Variants in CDK14 observed in about 807,000 individuals in gnomAD.
The protein encoded by CDK14 is cyclin-dependent kinase 14.
A neutral mutation model predicts 60.7 loss-of-function variants in CDK14; 34 were observed. The observed-to-expected ratio is 0.56, with a 90% CI of 0.43 to 0.75. The LOEUF is 0.75. CDK14 is among the 30% of genes least tolerant of loss of function. The pLI is 0.00. For synonymous variants in CDK14, 197 were observed against 203.7 expected (o/e 0.97, Z 0.28); for missense variants, 482 against 564.1 (o/e 0.85, Z 1.47).
intron 14 of CDK14, among the ~76,000 whole-genome samples, chr7:91,185,791 T>G (rs1802159592): frequency 6.6e-6 from 1 of 151,146 alleles, no homozygotes; most frequent in African/African-American, 2.4e-5. Flanking sequence ...AGTTCGGGGG[T>G]TTTTAGTGTA....
intron 14 of CDK14, among the ~76,000 whole-genome samples, chr7:91,156,378 G>T (rs952347389): frequency 2.6e-5 from 4 of 152,032 alleles, no homozygotes; most frequent in Non-Finnish European, 5.9e-5. Flanking sequence ...CTTCTTGGTT[G>T]CCCAGCACAG....
At position 90,747,417 on chromosome 7, in the gene CDK14, C is replaced by T. The variant is rs180886957; in HGVS notation, c.370-264C>T. Among the ~76,000 whole-genome samples the T allele has an allele frequency of 1.2e-3, 190 of 152,282 alleles. 1 individual carries two copies. The highest frequency in any genetic ancestry group is 4.2e-3 in the African/African-American group (175 of 41,570). On this transcript the variant is annotated intron_variant, in intron 3 of 14. Coordinates refer to ENST00000380050, the MANE Select transcript of CDK14 (RefSeq NM_001287135.2). ...AAAGCAATCATCAGCTTACAGATAGCACTGGAAGAACAGCTATCAAAATAT... is the reference window on the plus strand; with the variant it reads ...AAAGCAATCATCAGCTTACAGATAGTACTGGAAGAACAGCTATCAAAATAT...
intron 5 of CDK14, among the ~76,000 whole-genome samples, chr7:90,844,073 G>A (rs1790385068): frequency 1.3e-5 from 2 of 152,084 alleles, no homozygotes; most frequent in Admixed American, 1.3e-4. Context: ...GAGTGTCCTT[G>A]GTAACAGGCA....
Position 90,831,797 on chromosome 7 carries a change from C to G in CDK14, c.545-31378C>G, listed in dbSNP as rs10243980. 2.9e-3 allele frequency among the ~76,000 whole-genome samples: 442 copies of G among 152,176 alleles called. 3 individuals are homozygous for G. Among genetic ancestry groups the G allele is most frequent in the African/African-American group, 0.01 (421 of 41,528 alleles). On this transcript the variant is annotated intron_variant, in intron 5 of 14. Coordinates refer to ENST00000380050, the MANE Select transcript of CDK14 (RefSeq NM_001287135.2). The stretch of plus-strand genomic sequence containing the variant: ...CTCCAGTAGCATTAGTCATAATAGA[C>G]TAATAGCCAAATTCTTTACCTGTAT...
intron 14 of CDK14, among the ~76,000 whole-genome samples, chr7:91,128,369 T>C (rs903600425): frequency 3.3e-5 from 5 of 152,194 alleles, no homozygotes; most frequent in African/African-American, 1.2e-4. Flanking sequence ...ACTGCATTAG[T>C]TCTGTCAAAT....
chr7:90,638,528 G>A (rs1259952465), intron 2 of CDK14, among the ~76,000 whole-genome samples: 5 of 152,100 alleles, frequency 3.3e-5, no homozygotes, highest in Non-Finnish European at 5.9e-5. Context: ...TTCCCTTTGT[G>A]GGTAACCTGA....
intron 8 of CDK14, among the ~76,000 whole-genome samples, chr7:90,931,172 G>A (rs1793580930): frequency 6.6e-6 from 1 of 152,094 alleles, no homozygotes; most frequent in Admixed American, 6.5e-5. Flanking sequence ...TGGAATTAGT[G>A]CTATTAAAAT....
In CDK14 at chr7:90,683,010, G is replaced by A. The variant is rs527939510; in HGVS notation, c.124-43557G>A. The stretch of plus-strand genomic sequence containing the variant: ...TGATCATCTAGTCAAGGTGTTAGTC[G>A]ATTTCTTTATGCTATTTTTTCCCCT... On this transcript the variant is annotated intron_variant, in intron 2 of 14. Coordinates refer to ENST00000380050, the MANE Select transcript of CDK14 (RefSeq NM_001287135.2). Among the ~76,000 whole-genome samples the A allele has an allele frequency of 2.6e-5, 4 of 152,146 alleles. No individual in the cohort carries two copies. The East Asian group carries it at 5.8e-4, about 22-fold the overall frequency.
chr7:90,611,389 C>G (rs1799535112), intron 2 of CDK14, among the ~76,000 whole-genome samples: 1 of 152,208 alleles, frequency 6.6e-6, no homozygotes, highest in Non-Finnish European at 1.5e-5. Flanking sequence ...TCACAGTCAC[C>G]TTGATTTCAG....
chr7:91,167,520 C>G (rs1801382215), intron 14 of CDK14, among the ~76,000 whole-genome samples: 1 of 152,168 alleles, frequency 6.6e-6, no homozygotes, highest in South Asian at 2.1e-4. Flanking sequence ...GCTGATTGTT[C>G]TTATATAATG....
chr7:91,061,335 G>C (rs116981799), intron 11 of CDK14, among the ~76,000 whole-genome samples: 1 of 152,124 alleles, frequency 6.6e-6, no homozygotes. Flanking sequence ...CTTGTTTGCC[G>C]TGGGTTCGAA....
At chr7:91,053,375 A>G (rs1311164226) in intron 11 of CDK14, among the ~76,000 whole-genome samples, 1 of 152,084 alleles carries the variant, frequency 6.6e-6, no homozygotes, top group Non-Finnish European at 1.5e-5. Context: ...ACTCTAAGCC[A>G]TTCTCAGTGA....
intron 2 of CDK14, among the ~76,000 whole-genome samples, chr7:90,680,370 C>T (rs1801289464): frequency 6.6e-6 from 1 of 152,118 alleles, no homozygotes; most frequent in Non-Finnish European, 1.5e-5. Context: ...TATATTGGGT[C>T]TTCAAATATT....
chr7:90,614,028 T>G (rs1287168591), intron 2 of CDK14, among the ~76,000 whole-genome samples: 1 of 137,336 alleles, frequency 7.3e-6, no homozygotes, highest in Non-Finnish European at 1.5e-5. Context: ...TTTTTTGAGA[T>G]GGAGTTTCGC....
chr7:91,081,881 T>G (rs17163567), intron 12 of CDK14, among the ~76,000 whole-genome samples: 3,539 of 152,180 alleles, frequency 0.023, 130 homozygotes, highest in African/African-American at 0.078. Context: ...ATTATGCGAT[T>G]GAGAATAATA....
At chr7:90,622,923 C>CTTTTTTTTTTTT (rs1245736325) in intron 2 of CDK14, among the ~76,000 whole-genome samples, 3 of 130,310 alleles carry the variant, frequency 2.3e-5, no homozygotes, top group East Asian at 2.2e-4. Context: ...CTTTTTTTTT[C>CTTTTTTTTTTTT]TTTTTTTTTT....
chr7:90,744,487 G>A (rs555124465), intron 3 of CDK14, among the ~76,000 whole-genome samples: 6 of 152,270 alleles, frequency 3.9e-5, no homozygotes, highest in South Asian at 2.1e-4. Flanking sequence ...CCACAAAACC[G>A]CCATTGTCAT....
At chr7:90,778,362 T>G (rs569249711) in intron 4 of CDK14, among the ~76,000 whole-genome samples, 2 of 152,370 alleles carry the variant, frequency 1.3e-5, no homozygotes, top group African/African-American at 4.8e-5. Context: ...TGTTCTGTCT[T>G]CAAAATACCA....
At chr7:90,601,412 A>G (rs1428289070) in intron 1 of CDK14, among the ~76,000 whole-genome samples, 1 of 152,230 alleles carries the variant, frequency 6.6e-6, no homozygotes, top group African/African-American at 2.4e-5. Context: ...AGGACTCAAT[A>G]TTTAGAAGAA....
Sources: gnomAD v4.1 joint callset for allele counts (sites outside exome capture counted in the v4.1 genomes callset) on GRCh38, gnomAD v4.1.1 for gene constraint, MANE v1.5 for transcripts, NCBI Gene and HGNC (gene_info 2026-07-23, HGNC 2026-07-21) for gene names.